Variants in RIN2 observed in about 807,000 individuals in gnomAD.
The protein encoded by RIN2 is Ras and Rab interactor 2.
RIN2 carries 36 observed loss-of-function variants against 78.0 expected under a neutral mutation model. That is an observed-to-expected ratio of 0.46 (90% CI 0.35 to 0.61). The LOEUF (loss-of-function observed/expected upper bound fraction) is 0.61. Among genes scored for constraint, RIN2 ranks in the 20% least tolerant of loss-of-function variants. The probability of loss-of-function intolerance (pLI) is 0.00; values close to 1 mark genes in which losing one functional copy is unlikely to be tolerated. For synonymous variants in RIN2, 466 were observed against 466.8 expected (o/e 1.00, Z 0.02); for missense variants, 1,087 against 1,159.7 (o/e 0.94, Z 0.91).
chr20:19,875,263 A>G (rs780477778), intron 2 of RIN2, among the ~76,000 whole-genome samples: 2 of 152,062 alleles, frequency 1.3e-5, no homozygotes, highest in Non-Finnish European at 2.9e-5. Flanking sequence ...GGTTGAAGCA[A>G]TTTTCCTGCC....
At chr20:19,876,490 T>C (rs2037858102) in intron 2 of RIN2, among the ~76,000 whole-genome samples, 1 of 152,128 alleles carries the variant, frequency 6.6e-6, no homozygotes. Context: ...AAAGCCTTGG[T>C]TAAAATGGAA....
chr20:19,902,050 AAC>A (rs2039012125), intron 3 of RIN2, among the ~76,000 whole-genome samples: 1 of 151,434 alleles, frequency 6.6e-6, no homozygotes, highest in Admixed American at 6.6e-5. Context: ...AAATTGAGCA[AAC>A]ACACTGTTCC....
intron 2 of RIN2, among the ~76,000 whole-genome samples, chr20:19,806,636 C>T (rs2035416705): frequency 6.6e-6 from 1 of 152,192 alleles, no homozygotes; most frequent in Admixed American, 6.5e-5. Context: ...ATGGCTCACA[C>T]CTGTAAACCT....
chr20:19,814,834 G>A (rs963906004), intron 2 of RIN2, among the ~76,000 whole-genome samples: 1 of 151,450 alleles, frequency 6.6e-6, no homozygotes. Context: ...CAAGTGATCC[G>A]CCCACCTCAG....
At chr20:19,886,719 G>A (rs1010402796) in intron 2 of RIN2, 2 of 1,549,140 alleles carry the variant, frequency 1.3e-6, no homozygotes, top group African/African-American at 1.4e-5. Context: ...AGGGAAGCCA[G>A]GAAAAGAACA....
At chr20:19,953,924 CAG>C (rs2041428204) in intron 4 of RIN2, among the ~76,000 whole-genome samples, 1 of 152,208 alleles carries the variant, frequency 6.6e-6, no homozygotes, top group Admixed American at 6.5e-5. Flanking sequence ...CTTTTTGGCA[CAG>C]AGTCTCCTAC....
chr20:19,784,829 G>C (rs73901289), intron 1 of RIN2, among the ~76,000 whole-genome samples: 298 of 152,274 alleles, frequency 2.0e-3, no homozygotes, highest in African/African-American at 6.8e-3. Context: ...CCCATCCTGA[G>C]TGGGAATACC....
chr20:19,855,772 A>C (rs2037144313), intron 2 of RIN2, among the ~76,000 whole-genome samples: 1 of 152,208 alleles, frequency 6.6e-6, no homozygotes, highest in Non-Finnish European at 1.5e-5. Context: ...AAAAAATCCC[A>C]GAGACAAAAA....
At chr20:19,964,324 G>A (rs1218729134) in intron 6 of RIN2, among the ~76,000 whole-genome samples, 3 of 151,892 alleles carry the variant, frequency 2.0e-5, no homozygotes, top group Non-Finnish European at 4.4e-5. Flanking sequence ...TGCCCAGACT[G>A]GTCTCAAACT....
chr20:19,776,677 A>G (rs910295313), intron 1 of RIN2, among the ~76,000 whole-genome samples: 1 of 151,648 alleles, frequency 6.6e-6, no homozygotes, highest in African/African-American at 2.4e-5. Flanking sequence ...GGCTGCAGTG[A>G]GCCGAGATCA....
chr20:19,876,917 A>AC (rs1307332651), intron 2 of RIN2, among the ~76,000 whole-genome samples: 1 of 151,870 alleles, frequency 6.6e-6, no homozygotes, highest in African/African-American at 2.4e-5. Flanking sequence ...AAAAAAACAA[A>AC]AAACAAACAA....
intron 1 of RIN2, among the ~76,000 whole-genome samples, chr20:19,791,126 C>A (rs949424534): frequency 6.6e-6 from 1 of 152,074 alleles, no homozygotes; most frequent in Admixed American, 6.6e-5. Context: ...ATAGCTTAGA[C>A]CTTGAACAAA....
At chr20:19,808,613 G>A (rs558924827) in intron 2 of RIN2, among the ~76,000 whole-genome samples, 3 of 152,200 alleles carry the variant, frequency 2.0e-5, no homozygotes, top group Admixed American at 6.5e-5. Context: ...CTGGTTGGTG[G>A]GCCCCTGTTT....
At chr20:19,767,453 T>G (rs1600400922) in intron 1 of RIN2, among the ~76,000 whole-genome samples, 1 of 152,066 alleles carries the variant, frequency 6.6e-6, no homozygotes, top group South Asian at 2.1e-4. Flanking sequence ...GGAAAAGAGG[T>G]TATGGGTCCT....
intron 11 of RIN2, among the ~76,000 whole-genome samples, chr20:19,993,476 C>T (rs1433850855): frequency 2.6e-5 from 4 of 151,952 alleles, no homozygotes; most frequent in East Asian, 1.9e-4. Context: ...TCGGAGGGAC[C>T]GCCCTCCTTG....
At chr20:19,892,449 C>G (rs1025846873) in intron 3 of RIN2, among the ~76,000 whole-genome samples, 1 of 152,110 alleles carries the variant, frequency 6.6e-6, no homozygotes, top group Non-Finnish European at 1.5e-5. Context: ...CTCCTGACCT[C>G]GTGATCCACC....
chr20:19,839,081 G>A (rs1383008481), intron 2 of RIN2, among the ~76,000 whole-genome samples: 1 of 152,194 alleles, frequency 6.6e-6, no homozygotes, highest in African/African-American at 2.4e-5. Context: ...ATCAGAGTCT[G>A]CGCAGCCCCA....
At chr20:19,778,749 C>T (rs927234287) in intron 1 of RIN2, among the ~76,000 whole-genome samples, 35 of 152,106 alleles carry the variant, frequency 2.3e-4, no homozygotes, top group Admixed American at 1.7e-3. Flanking sequence ...AGGAAGGACA[C>T]CTGTTCTGAA....
chr20:19,836,652 G>A (rs914182372), intron 2 of RIN2, among the ~76,000 whole-genome samples: 1 of 151,762 alleles, frequency 6.6e-6, no homozygotes, highest in East Asian at 1.9e-4. Flanking sequence ...TCCTATTAGG[G>A]TTATATAATT....
Sources: allele counts gnomAD v4.1 joint callset (sites outside exome capture counted in the v4.1 genomes callset), GRCh38; gene constraint gnomAD v4.1.1; transcripts MANE v1.5; gene names NCBI Gene and HGNC (gene_info 2026-07-23, HGNC 2026-07-21).